Variants in TBX3 observed in about 807,000 individuals in gnomAD.
The protein encoded by TBX3 is T-box transcription factor TBX3.
In TBX3, 11 loss-of-function variants were observed where a neutral mutation model predicts 47.8. The observed-to-expected ratio is 0.23, with a 90% CI of 0.14 to 0.38. The LOEUF (loss-of-function observed/expected upper bound fraction) is 0.38, where lower values mean the gene tolerates loss of function less well. TBX3 is among the 10% of genes least tolerant of loss of function. The pLI, the probability that TBX3 is intolerant of heterozygous loss-of-function variation, is 1.00. For missense variants in TBX3, 927 were observed against 1,022.8 expected (o/e 0.91, Z 1.28); for synonymous variants, 500 against 449.3 (o/e 1.11, Z -1.43).
At chr12:114,675,479 A>ATAGATTCTTTTTTC (rs1868665181) in intron 5 of TBX3, among the ~76,000 whole-genome samples, 1 of 152,242 alleles carries the variant, frequency 6.6e-6, no homozygotes, top group Non-Finnish European at 1.5e-5. Context: ...GGGGACGATC[A>ATAGATTCTTTTTTC]TAGATTCTTT....
In TBX3 at chr12:114,682,221, T is replaced by C. The variant is rs555412751; in HGVS notation, c.389+591A>G. ...AAACATAATCTTAAATTATGCAAAATTGCCTGCTGAACTCGCCCTTGGGTT... is the reference window on the plus strand; with the variant it reads ...AAACATAATCTTAAATTATGCAAAACTGCCTGCTGAACTCGCCCTTGGGTT... On this transcript the variant is annotated intron_variant, in intron 1 of 6. Coordinates refer to ENST00000349155, the MANE Select transcript of TBX3 (RefSeq NM_005996.4). 5.9e-5 allele frequency among the ~76,000 whole-genome samples: 9 copies of C among 152,226 alleles called. No homozygotes were observed. In the South Asian group the frequency reaches 1.5e-3, roughly 25 times the overall value.
Position 114,683,641 on chromosome 12 carries a change from G to A in TBX3, c.-441C>T, listed in dbSNP as rs752801993. On this transcript the variant is annotated 5_prime_UTR_variant, in exon 1 of 7. Coordinates refer to ENST00000349155, the MANE Select transcript of TBX3 (RefSeq NM_005996.4). This position sits in a 1 kb window ranked among gnomAD's most constrained non-coding sequence, Gnocchi z 7.7. ...TAGGTCTTTTGTTGCAAATGTGAAA[G>A]GTTCTCCTAGAAGACTTTTTACCTT... The A allele has an allele frequency of 1.7e-5, 4 of 236,432 alleles. No homozygotes were observed. Among genetic ancestry groups the A allele is most frequent in the Non-Finnish European group, 3.3e-5 (4 of 121,116 alleles). 14.6% of individuals were successfully genotyped at this position (236,432 alleles called of 1,614,324 possible). A position where few individuals can be genotyped will look rare whatever the true frequency, so the allele number is the denominator to read the frequency against.
At position 114,671,841 on chromosome 12, in the gene TBX3, C is replaced by T. The variant is rs1868446196; in HGVS notation, c.2172G>A (p.Ter724=). Residue 724 remains the stop codon, a stop_retained_variant, in exon 7 of 7, where the codon TAG becomes TAA. Coordinates refer to ENST00000349155, the MANE Select transcript of TBX3 (RefSeq NM_005996.4). ...KPDRSRSASP[*] ...ATGAAAAGACGTGTCTGGGACGGGT[C>T]TACGGGGACGCGCTGCGGGACCTGT... is the stretch of plus-strand genomic sequence containing the variant. 1.9e-6 allele frequency: 3 copies of T among 1,554,256 alleles called. No individual in the cohort carries two copies. In the African/African-American group the frequency reaches 4.1e-5, roughly 21 times the overall value.
chr12:114,671,436 A>G lies in TBX3; in HGVS notation c.*405T>C. ...CTTGTCCCGATTTTTTTTTTGAAAG[A>G]TTTTGTTTTTGTTTCCACTTGACAC... On this transcript the variant is annotated 3_prime_UTR_variant, in exon 7 of 7. Transcript: ENST00000349155. 2 of 286,468 alleles carry G rather than the reference A, an allele frequency of 7.0e-6. No homozygotes were observed. Among genetic ancestry groups the G allele is most frequent in the East Asian group, 5.1e-5 (1 of 19,738 alleles). 17.7% of individuals were successfully genotyped at this position (286,468 alleles called of 1,614,324 possible). A position where few individuals can be genotyped will look rare whatever the true frequency, so the allele number is the denominator to read the frequency against.
intron 5 of TBX3, among the ~76,000 whole-genome samples, chr12:114,675,138 A>C (rs537942298): frequency 6.6e-6 from 1 of 152,296 alleles, no homozygotes; most frequent in South Asian, 2.1e-4. Flanking sequence ...AATGAATTTT[A>C]CTTCTTTTTT....
At chr12:114,680,053 T>A (rs1868862246) in intron 2 of TBX3, 2 of 1,445,848 alleles carry the variant, frequency 1.4e-6, no homozygotes, top group Non-Finnish European at 1.9e-6. Context: ...ACGAGCCCAA[T>A]CCACTTAAAG....
At chr12:114,682,085 C>T (rs1868953493) in intron 1 of TBX3, among the ~76,000 whole-genome samples, 1 of 152,048 alleles carries the variant, frequency 6.6e-6, no homozygotes, top group South Asian at 2.1e-4. Flanking sequence ...TCTTCTCTTC[C>T]AGGCAGGTTT....
rs112192237 is a variant in TBX3, at chr12:114,684,071, G to GGAGGGAGA, written c.-872_-871insTCTCCCTC. On this transcript the variant is annotated 5_prime_UTR_variant, in exon 1 of 7. Coordinates refer to ENST00000349155, the MANE Select transcript of TBX3 (RefSeq NM_005996.4). ...TGGAACAGAGGGAAAGAGAGGGAGG[G>GGAGGGAGA]GAGAGAGAGAGAGAGAGAGAGAGAC... 6.8e-5 allele frequency: 15 copies of GGAGGGAGA among 221,194 alleles called. No individual in the cohort carries two copies. The Admixed American group carries it at 7.0e-4, about 10-fold the overall frequency. The allele number at this position is 221,194 out of a possible 1,614,324, so 13.7% of individuals were successfully genotyped here.
Position 114,674,448 on chromosome 12 carries a change from C to A in TBX3, c.1427G>T (p.Gly476Val), listed in dbSNP as rs1024919027. The A allele has an allele frequency of 1.2e-5, 19 of 1,546,118 alleles. No individual in the cohort carries two copies. Among genetic ancestry groups the A allele is most frequent in the Non-Finnish European group, 1.6e-5 (18 of 1,145,212 alleles). Residue 476 changes from glycine (G) to valine (V), a missense_variant, in exon 6 of 7, where the codon GGC becomes GTC. Coordinates refer to ENST00000349155, the MANE Select transcript of TBX3 (RefSeq NM_005996.4). ...TDAAAAHLAQ[G>V]PLPGLGFAPG... is the part of the protein sequence containing the mutation. Reference sequence around the variant, plus strand: ...GGCGAAGCCGAGGCCAGGCAGGGGGCCCTGGGCCAGGTGCGCGGCGGCCGC... The same window carrying A: ...GGCGAAGCCGAGGCCAGGCAGGGGGACCTGGGCCAGGTGCGCGGCGGCCGC...
chr12:114,674,281 C>T lies in TBX3; in HGVS notation c.1594G>A (p.Gly532Ser), dbSNP rs1160762375. The change falls in exon 6 of 7, where the codon GGT becomes AGT. Residue 532 changes from glycine to serine, a missense_variant. By Grantham distance (56) the Gly-to-Ser change is moderately conservative. This residue lies in a region of TBX3 where 623 missense variants were observed against 569.0 expected (regional missense o/e 1.09). Transcript: ENST00000349155. ...GCCGTGGAATCCAGGCCCGAGACAC[C>T]GGTGGAGGCCCCAGAAACCGTGGCC... ...LLATVSGASTGVSGLDSTAMA... is the reference protein window; with the variant it reads ...LLATVSGASTSVSGLDSTAMA... The T allele has an allele frequency of 2.5e-6, 4 of 1,580,880 alleles. No homozygotes were observed. The highest frequency in any genetic ancestry group is 2.3e-5 in the East Asian group (1 of 43,266).
intron 1 of TBX3, 57 bp from the exon 2 acceptor site, chr12:114,681,203 T>C: frequency 6.2e-7 from 1 of 1,602,896 alleles, no homozygotes; most frequent in Admixed American, 1.7e-5. Flanking sequence ...TAATCTTGGG[T>C]TTGATTTCCT....
At chr12:114,675,159 C>T (rs764067620) in intron 5 of TBX3, among the ~76,000 whole-genome samples, 4 of 152,332 alleles carry the variant, frequency 2.6e-5, no homozygotes, top group Middle Eastern at 3.4e-3. Context: ...TGAGTTCCTA[C>T]AGTGGCAGAT....
intron 5 of TBX3, among the ~76,000 whole-genome samples, chr12:114,675,260 T>C (rs2121386512): frequency 6.6e-6 from 1 of 152,356 alleles, no homozygotes; most frequent in South Asian, 2.1e-4. Flanking sequence ...TTCTAATTAC[T>C]ATCAAAAAAT....
At chr12:114,682,259 A>C (rs1868964129) in intron 1 of TBX3, among the ~76,000 whole-genome samples, 1 of 152,224 alleles carries the variant, frequency 6.6e-6, no homozygotes, top group South Asian at 2.1e-4. Context: ...AGACACGTGA[A>C]GTAGTGTGGG....
Position 114,674,564 on chromosome 12 carries a change from C to T in TBX3, c.1311G>A (p.Pro437=), listed in dbSNP as rs759328763. 6 of 1,568,982 alleles carry T rather than the reference C, an allele frequency of 3.8e-6. No individual in the cohort carries two copies. In the Admixed American group the frequency reaches 9.1e-5, roughly 24 times the overall value. Residue 437 remains proline (P), a synonymous_variant, in exon 6 of 7, where the codon CCG becomes CCA. Coordinates refer to ENST00000349155, the MANE Select transcript of TBX3 (RefSeq NM_005996.4). ...TGGCCGGCGCTGTGCCCTCGCGAAC[C>T]GGGCTCCTGCGCTCCTCCGCGCCCA... ...RGLGAEERRS[P]VREGTAPAKV...
At chr12:114,680,719 G>T (rs564652492) in intron 2 of TBX3, 160 bp downstream of exon 2, 6 of 1,085,872 alleles carry the variant, frequency 5.5e-6, no homozygotes, top group African/African-American at 4.7e-5. Context: ...CCATTATTTG[G>T]AGAGAAACAC....
chr12:114,681,247 C>A, intron 1 of TBX3, 101 bp from the exon 2 acceptor site: 1 of 1,493,630 alleles, frequency 6.7e-7, no homozygotes, highest in Middle Eastern at 2.3e-4. Context: ...AAGTCTAAGA[C>A]TTTATATTGT....
chr12:114,671,759 G>T lies in TBX3; in HGVS notation c.*82C>A, dbSNP rs937551157. 9.9e-6 allele frequency: 15 copies of T among 1,516,584 alleles called. No homozygotes were observed. The highest frequency in any genetic ancestry group is 1.3e-5 in the Non-Finnish European group (14 of 1,118,854). The allele number at this position is 1,516,584 out of a possible 1,614,324, so 93.9% of individuals were successfully genotyped here. ...CAAAAGGAAGGGCTAACGCCATGGC[G>T]GGCCCGTGGTTTATTTTATATCCGA... On this transcript the variant is annotated 3_prime_UTR_variant, in exon 7 of 7. Coordinates refer to ENST00000349155, the MANE Select transcript of TBX3 (RefSeq NM_005996.4).
chr12:114,671,465 G>A lies in TBX3; in HGVS notation c.*376C>T. The stretch of plus-strand genomic sequence containing the variant: ...TGTTTTTGTTTCCACTTGACACAGT[G>A]AAGGAAAAATATATATATAAATCCG... On this transcript the variant is annotated 3_prime_UTR_variant, in exon 7 of 7. Transcript: ENST00000349155. 1 of 314,732 alleles carries A rather than the reference G, an allele frequency of 3.2e-6. No individual in the cohort carries two copies. Among genetic ancestry groups the A allele is most frequent in the Non-Finnish European group, 5.9e-6 (1 of 169,886 alleles). The allele number at this position is 314,732 out of a possible 1,614,324, so 19.5% of individuals were successfully genotyped here.
Sources: allele counts gnomAD v4.1 joint callset (sites outside exome capture counted in the v4.1 genomes callset), GRCh38; gene constraint gnomAD v4.1.1; regional missense constraint gnomAD v4.1.1; non-coding constraint Gnocchi (gnomAD v3.1); transcripts MANE v1.5; gene names NCBI Gene and HGNC (gene_info 2026-07-23, HGNC 2026-07-21).